The following SLC6A6 variants were observed in gnomAD, a reference collection of about 807,000 sequenced individuals.
SLC6A6 encodes sodium- and chloride-dependent taurine transporter.
In SLC6A6, 16 loss-of-function variants were observed where a neutral mutation model predicts 68.8. The ratio of observed to expected loss-of-function variants is 0.23; its 90% CI spans 0.16 to 0.35. The LOEUF is 0.35. SLC6A6 is among the 10% of genes least tolerant of loss of function. The probability of loss-of-function intolerance (pLI) is 1.00; values close to 1 mark genes in which losing one functional copy is unlikely to be tolerated. For missense variants in SLC6A6, 474 were observed against 802.8 expected, an observed-to-expected ratio of 0.59 and a Z score of 4.95; for synonymous variants, 312 against 315.4, an observed-to-expected ratio of 0.99 and a Z score of 0.12.
At chr3:14,419,640 C>T (rs1330293980) in intron 2 of SLC6A6, among the ~76,000 whole-genome samples, 2 of 152,128 alleles carry the variant, frequency 1.3e-5, no homozygotes, top group African/African-American at 4.8e-5. Flanking sequence ...AATAGTGGCA[C>T]CCAGGAGGGT....
Position 14,481,891 on chromosome 3 carries a change from G to A in SLC6A6, c.1722+50G>A, listed in dbSNP as rs751400938. 2.0e-6 allele frequency: 3 copies of A among 1,511,672 alleles called. No homozygotes were observed. The highest frequency in any genetic ancestry group is 1.2e-5 in the South Asian group (1 of 86,316). The allele number at this position is 1,511,672 out of a possible 1,614,324, so 93.6% of individuals were successfully genotyped here. The stretch of plus-strand genomic sequence containing the variant: ...GGGAGGTGGGAGGCGCGAGGCCAAA[G>A]GTGATTGTTGTCAGTTTGCTGCGTG... On this transcript the variant is annotated intron_variant, in intron 14 of 14. Transcript: ENST00000622186. The surrounding 1 kb of genome is among the most constrained non-coding windows in gnomAD (Gnocchi z 4.7).
chr3:14,453,206 A>G (rs1277191120), intron 5 of SLC6A6, among the ~76,000 whole-genome samples: 1 of 152,218 alleles, frequency 6.6e-6, no homozygotes, highest in Non-Finnish European at 1.5e-5. Flanking sequence ...ACGTATTTAC[A>G]TCTCTGAGTG....
chr3:14,474,029 G>A (rs1410575198), intron 10 of SLC6A6, among the ~76,000 whole-genome samples: 1 of 152,174 alleles, frequency 6.6e-6, no homozygotes, highest in African/African-American at 2.4e-5. Context: ...AGAGAATCTG[G>A]TGGGCTCTCA....
chr3:14,432,542 G>T (rs974272060), intron 2 of SLC6A6: 1 of 152,318 alleles, frequency 6.6e-6, no homozygotes, highest in Non-Finnish European at 1.5e-5. Context: ...AAGGGGCTTG[G>T]CTCCCTCTGA....
At chr3:14,449,895 G>A (rs1358738981) in intron 5 of SLC6A6, among the ~76,000 whole-genome samples, 3 of 152,090 alleles carry the variant, frequency 2.0e-5, no homozygotes, top group Non-Finnish European at 4.4e-5. Context: ...GGGATTACAG[G>A]AACACACCAC....
chr3:14,419,734 C>A (rs1699445053), intron 2 of SLC6A6, among the ~76,000 whole-genome samples: 1 of 152,160 alleles, frequency 6.6e-6, no homozygotes, highest in South Asian at 2.1e-4. Context: ...TGCAAAAGGC[C>A]TAGCACATCA....
rs79327112 is a variant in SLC6A6 at position 14,486,562 on chromosome 3, C to G, written c.*1555C>G. ...TGTCTCTGAACCAGGAGAGAAGGTA[C>G]TATACCTTTCAAATCCCCAGGGCAG... On this transcript the variant is annotated 3_prime_UTR_variant, in exon 15 of 15. Transcript: ENST00000622186. The G allele has an allele frequency of 7.6e-3, 1,132 of 148,478 alleles. 9 individuals carry two copies. Among genetic ancestry groups the G allele is most frequent in the Non-Finnish European group, 0.013 (863 of 66,366 alleles). The allele number at this position is 148,478 out of a possible 1,614,324, so 9.2% of individuals were successfully genotyped here. A position where few individuals can be genotyped will look rare whatever the true frequency, so the allele number is the denominator to read the frequency against.
intron 6 of SLC6A6, among the ~76,000 whole-genome samples, chr3:14,465,379 C>T (rs990604766): frequency 2.6e-5 from 4 of 152,310 alleles, no homozygotes; most frequent in East Asian, 1.9e-4. Context: ...CCCAGAGGCC[C>T]GGTGAAGCGG....
intron 1 of SLC6A6, among the ~76,000 whole-genome samples, chr3:14,413,384 C>T (rs183909001): frequency 1.9e-3 from 285 of 152,334 alleles, no homozygotes; most frequent in South Asian, 3.1e-3. Flanking sequence ...CCGTAATCGC[C>T]GTCTGCTTTG....
chr3:14,472,929 G>A lies in SLC6A6; in HGVS notation c.1209+612G>A, dbSNP rs563416133. On this transcript the variant is annotated intron_variant, in intron 10 of 14. Transcript: ENST00000622186. The surrounding 1 kb of genome is among the most constrained non-coding windows in gnomAD (Gnocchi z 4.5). ...CAGGCCGGGAGCCTCGCTCAAACCC[G>A]CCCTGACCTCTGGCTGTCCTGGCTT... 1.4e-3 allele frequency among the ~76,000 whole-genome samples: 216 copies of A among 152,322 alleles called. No homozygotes were observed. Among genetic ancestry groups the A allele is most frequent in the Non-Finnish European group, 2.3e-3 (156 of 68,032 alleles).
intron 1 of SLC6A6, among the ~76,000 whole-genome samples, chr3:14,403,750 G>A (rs1266391784): frequency 6.6e-6 from 1 of 152,232 alleles, no homozygotes; most frequent in Non-Finnish European, 1.5e-5. Flanking sequence ...CCTCTTTTGA[G>A]TAGGAGATTC....
At chr3:14,409,260 C>G (rs145057455) in intron 1 of SLC6A6, among the ~76,000 whole-genome samples, 5 of 152,358 alleles carry the variant, frequency 3.3e-5, no homozygotes, top group South Asian at 2.1e-4. Context: ...GAGCCACTGA[C>G]TTTGCGTGTC....
Position 14,472,330 on chromosome 3 carries a change from G to A in SLC6A6, c.1209+13G>A. On this transcript the variant is annotated intron_variant, in intron 10 of 14. Coordinates refer to ENST00000622186, the MANE Select transcript of SLC6A6 (RefSeq NM_003043.6). This position sits in a 1 kb window ranked among gnomAD's most constrained non-coding sequence, Gnocchi z 4.5. ...ACTGGATAGCCAGGTGCGTATAAGGGATGGCCCTGGGGCGACTGCCCCTGT... is the reference window on the plus strand; with the variant it reads ...ACTGGATAGCCAGGTGCGTATAAGGAATGGCCCTGGGGCGACTGCCCCTGT... The A allele has an allele frequency of 6.6e-7, 1 of 1,506,536 alleles. No individual in the cohort carries two copies. The allele number at this position is 1,506,536 out of a possible 1,614,324, so 93.3% of individuals were successfully genotyped here. A position where few individuals can be genotyped will look rare whatever the true frequency, so the allele number is the denominator to read the frequency against.
intron 14 of SLC6A6, among the ~76,000 whole-genome samples, 200 bp from the exon 15 acceptor site, chr3:14,484,667 A>G (rs1315703319): frequency 6.6e-6 from 1 of 152,248 alleles, no homozygotes; most frequent in Non-Finnish European, 1.5e-5. Context: ...GCCTTGAGTC[A>G]GGGCCTAGTG....
intron 7 of SLC6A6, among the ~76,000 whole-genome samples, chr3:14,467,295 G>A (rs1700642421): frequency 6.6e-6 from 1 of 152,206 alleles, no homozygotes; most frequent in Non-Finnish European, 1.5e-5. Context: ...GCCAGCCTTG[G>A]AGGACAGCTG....
chr3:14,478,131 C>G (rs1003894838), intron 11 of SLC6A6, among the ~76,000 whole-genome samples: 1 of 152,004 alleles, frequency 6.6e-6, no homozygotes, highest in Non-Finnish European at 1.5e-5. Context: ...TTGTAAGAAC[C>G]CCCACCCCAG....
chr3:14,465,744 T>C (rs977148438), intron 6 of SLC6A6, among the ~76,000 whole-genome samples: 4 of 152,224 alleles, frequency 2.6e-5, no homozygotes, highest in Non-Finnish European at 4.4e-5. Context: ...TAATATGACC[T>C]GCATGCAATG....
intron 2 of SLC6A6, among the ~76,000 whole-genome samples, chr3:14,437,398 C>T (rs1699881998): frequency 2.0e-5 from 3 of 152,104 alleles, no homozygotes; most frequent in African/African-American, 7.2e-5. Flanking sequence ...GCTGGGACTA[C>T]AGGCATGTGC....
intron 6 of SLC6A6, among the ~76,000 whole-genome samples, chr3:14,461,521 A>G (rs1020465539): frequency 2.6e-5 from 4 of 152,316 alleles, no homozygotes; most frequent in African/African-American, 9.6e-5. Context: ...AGACACTCAC[A>G]CAGGAAGTGC....
Sources: allele counts gnomAD v4.1 joint callset (sites outside exome capture counted in the v4.1 genomes callset), GRCh38; gene constraint gnomAD v4.1.1; non-coding constraint Gnocchi (gnomAD v3.1); transcripts MANE v1.5; gene names NCBI Gene and HGNC (gene_info 2026-07-23, HGNC 2026-07-21).